The following GOSR1 variants were observed in gnomAD, a reference collection of about 807,000 sequenced individuals.
GOSR1 encodes 28 kDa Golgi SNARE protein.
Under a neutral mutation model 35.5 loss-of-function variants are expected in GOSR1, and 21 were observed. The ratio of observed to expected loss-of-function variants is 0.59; its 90% CI spans 0.42 to 0.85. The LOEUF (loss-of-function observed/expected upper bound fraction) is 0.85. GOSR1 is among the 40% of genes least tolerant of loss of function. GOSR1 has a pLI of 0.00. For synonymous variants in GOSR1, 94 were observed against 106.6 expected (o/e 0.88, Z 0.73); for missense variants, 285 against 309.6 (o/e 0.92, Z 0.60).
At chr17:30,520,194 A>T in intron 8 of GOSR1, 173 bp downstream of exon 8, 1 of 508,604 alleles carries the variant, frequency 2.0e-6, no homozygotes, top group Non-Finnish European at 3.5e-6. Flanking sequence ...GCTCTTTAGT[A>T]CCATTCCTAA....
intron 4 of GOSR1, among the ~76,000 whole-genome samples, chr17:30,485,743 C>T (rs1024627411): frequency 7.9e-5 from 12 of 152,096 alleles, no homozygotes; most frequent in Non-Finnish European, 1.6e-4. Context: ...AATAGATGGC[C>T]GGGCGCAGTG....
rs1280588345 is a variant in GOSR1, at chr17:30,523,355, CTGGGAGG to C, written c.*980_*986del. On this transcript the variant is annotated 3_prime_UTR_variant, in exon 9 of 9. Transcript: ENST00000451249. Reference sequence around the variant, plus strand: ...CTCCTCTGCCCGGCCGCGACCCCGTCTGGGAGGTGAGGAGCGTCTCTGTCTGGCCACC... The same window carrying C: ...CTCCTCTGCCCGGCCGCGACCCCGTCTGAGGAGCGTCTCTGTCTGGCCACC... 1.1e-5 allele frequency: 2 copies of C among 180,012 alleles called. No homozygotes were observed. The highest frequency in any genetic ancestry group is 2.3e-5 in the Non-Finnish European group (2 of 86,038). The allele number at this position is 180,012 out of a possible 1,614,324, so 11.2% of individuals were successfully genotyped here. A position where few individuals can be genotyped will look rare whatever the true frequency, so the allele number is the denominator to read the frequency against.
intron 4 of GOSR1, among the ~76,000 whole-genome samples, chr17:30,488,729 G>T (rs930057222): frequency 4.0e-5 from 6 of 151,516 alleles, no homozygotes; most frequent in Admixed American, 4.0e-4. Flanking sequence ...GTAGAGACGG[G>T]GTTTCGCCAT....
At chr17:30,501,788 C>T (rs912668700) in intron 6 of GOSR1, among the ~76,000 whole-genome samples, 2 of 152,196 alleles carry the variant, frequency 1.3e-5, no homozygotes, top group African/African-American at 2.4e-5. Context: ...GCCACCATGC[C>T]GAGCCTGGCA....
chr17:30,477,716 G>C lies in GOSR1; in HGVS notation c.31+252G>C, dbSNP rs1053898201. On this transcript the variant is annotated intron_variant, in intron 1 of 8. Coordinates refer to ENST00000451249, the MANE Select transcript of GOSR1 (RefSeq NM_001007025.2). ...GCAGAGTGGACAGAGCGGGGATGTA[G>C]AGGAAGAGGGCTCTCAATCGCCTGG... 3 of 985,224 alleles carry C rather than the reference G, an allele frequency of 3.0e-6. No homozygotes were observed. In the Admixed American group the frequency reaches 1.8e-4, roughly 61 times the overall value. 61.0% of individuals were successfully genotyped at this position (985,224 alleles called of 1,614,324 possible). A position where few individuals can be genotyped will look rare whatever the true frequency, so the allele number is the denominator to read the frequency against.
In GOSR1 at chr17:30,497,353, T is replaced by A. The variant is rs1001063875; in HGVS notation, c.509+4600T>A. Among the ~76,000 whole-genome samples the A allele has an allele frequency of 9.3e-4, 142 of 152,362 alleles. 2 individuals carry two copies. The highest frequency in any genetic ancestry group is 9.0e-3 in the Admixed American group (138 of 15,296). On this transcript the variant is annotated intron_variant, in intron 6 of 8. Transcript: ENST00000451249. ...GACTAAGATACCTTAAGTTTCTTTA[T>A]TCCTTGGATTGGTAGTATAGTGAAA...
intron 4 of GOSR1, among the ~76,000 whole-genome samples, chr17:30,488,323 C>T (rs963989367): frequency 4.0e-5 from 6 of 151,354 alleles, no homozygotes; most frequent in Non-Finnish European, 8.8e-5. Flanking sequence ...CGCCACCATG[C>T]CCGGCTATTT....
intron 8 of GOSR1, among the ~76,000 whole-genome samples, chr17:30,520,790 G>A (rs753705000): frequency 4.6e-5 from 7 of 152,148 alleles, no homozygotes; most frequent in Non-Finnish European, 7.3e-5. Context: ...TTTGCCTAAG[G>A]AAAAGACTCT....
intron 7 of GOSR1, among the ~76,000 whole-genome samples, chr17:30,514,372 A>G (rs1315192150): frequency 6.6e-6 from 1 of 152,162 alleles, no homozygotes; most frequent in Non-Finnish European, 1.5e-5. Flanking sequence ...TTATTCCCTT[A>G]TTATGCTGAA....
chr17:30,520,084 G>A (rs900586090), intron 8 of GOSR1, 63 bp downstream of exon 8: 2 of 1,020,810 alleles, frequency 2.0e-6, no homozygotes, highest in East Asian at 4.8e-5. Context: ...GTCTGTGTGT[G>A]CTTTTATAGG....
In GOSR1 at chr17:30,477,414, GC is replaced by G; in HGVS notation, c.-19del. On this transcript the variant is annotated 5_prime_UTR_variant, in exon 1 of 9. Coordinates refer to ENST00000451249, the MANE Select transcript of GOSR1 (RefSeq NM_001007025.2). Reference sequence around the variant, plus strand: ...GCATCGCCTCTGCTCCCCTATCCCGGCTGACGTTGGACGACAAAGATGGCGG... The same window carrying G: ...GCATCGCCTCTGCTCCCCTATCCCGGTGACGTTGGACGACAAAGATGGCGG... The G allele has an allele frequency of 4.4e-6, 7 of 1,608,072 alleles. No individual in the cohort carries two copies. Among genetic ancestry groups the G allele is most frequent in the Non-Finnish European group, 5.9e-6 (7 of 1,176,526 alleles).
chr17:30,480,658 A>AT, intron 1 of GOSR1, among the ~76,000 whole-genome samples: 1 of 151,766 alleles, frequency 6.6e-6, no homozygotes, highest in East Asian at 1.9e-4. Context: ...TCTGAAGTTT[A>AT]TAAGTGACTA....
At chr17:30,491,251 T>C (rs1282395044) in intron 5 of GOSR1, among the ~76,000 whole-genome samples, 1 of 152,252 alleles carries the variant, frequency 6.6e-6, no homozygotes, top group Non-Finnish European at 1.5e-5. Context: ...ATCACTAGAA[T>C]GCAACCCATT....
chr17:30,484,667 CA>C lies in GOSR1; in HGVS notation c.240del (p.Val82Ter). 6.9e-7 allele frequency: 1 copy of C among 1,452,880 alleles called. No homozygotes were observed. The highest frequency in any genetic ancestry group is 9.5e-7 in the Non-Finnish European group (1 of 1,057,956). 90.0% of individuals were successfully genotyped at this position (1,452,880 alleles called of 1,614,324 possible). On this transcript the variant is annotated frameshift_variant, in exon 4 of 9. Transcript: ENST00000451249. LOFTEE classifies it high-confidence loss of function. ...IEIEQLLARL[T>X]GVNDKMAEYT... ...TTTTTTTTTCTTTATTTCTAGCTTA[CA>C]GGGGTAAATGATAAAATGGCAGAAT...
chr17:30,493,958 T>C (rs1292381198), intron 6 of GOSR1, among the ~76,000 whole-genome samples: 3 of 152,166 alleles, frequency 2.0e-5, no homozygotes, highest in Non-Finnish European at 4.4e-5. Flanking sequence ...TAAATCAGAA[T>C]TGCAGGATTA....
chr17:30,498,857 T>A (rs567568520), intron 6 of GOSR1, among the ~76,000 whole-genome samples: 1 of 152,316 alleles, frequency 6.6e-6, no homozygotes, highest in African/African-American at 2.4e-5. Context: ...TCAGATTTAC[T>A]GAGGTAGAAT....
At chr17:30,521,771 A>G (rs773113846) in intron 8 of GOSR1, among the ~76,000 whole-genome samples, 37 of 152,164 alleles carry the variant, frequency 2.4e-4, no homozygotes, top group Non-Finnish European at 5.0e-4. Flanking sequence ...GGAAAAGATC[A>G]GGTATTTCTT....
chr17:30,507,722 C>CAAA (rs57856074), intron 6 of GOSR1, among the ~76,000 whole-genome samples: 43 of 125,604 alleles, frequency 3.4e-4, no homozygotes, highest in African/African-American at 1.2e-3. Context: ...GACTCTGTCT[C>CAAA]AAAAAAAAAA....
chr17:30,501,922 GCTTTAT>G (rs1967225231), intron 6 of GOSR1, among the ~76,000 whole-genome samples: 1 of 152,192 alleles, frequency 6.6e-6, no homozygotes, highest in African/African-American at 2.4e-5. Context: ...TTTTACAGCA[GCTTTAT>G]TCATAATTGC....
Sources: allele counts gnomAD v4.1 joint callset (sites outside exome capture counted in the v4.1 genomes callset), GRCh38; gene constraint gnomAD v4.1.1; transcripts MANE v1.5; gene names NCBI Gene and HGNC (gene_info 2026-07-23, HGNC 2026-07-21).